TMPRSS11E: variants seen among roughly 807,000 people sequenced by gnomAD.
The protein encoded by TMPRSS11E is transmembrane serine protease 11E, also known as transmembrane protease serine 11E.
Under a neutral mutation model 48.1 loss-of-function variants are expected in TMPRSS11E, and 38 were observed. The observed-to-expected ratio is 0.79, with a 90% CI of 0.61 to 1.04. The LOEUF (loss-of-function observed/expected upper bound fraction) is 1.04, where lower values mean the gene tolerates loss of function less well. TMPRSS11E is among the 50% of genes least tolerant of loss of function. The pLI, the probability that TMPRSS11E is intolerant of heterozygous loss-of-function variation, is 0.00. For synonymous variants in TMPRSS11E, 158 were observed against 171.9 expected (o/e 0.92, Z 0.63); for missense variants, 530 against 510.8 (o/e 1.04, Z -0.36).
rs1318477708 is a variant in TMPRSS11E, at chr4:68,496,756, T to A, written c.1224T>A (p.Thr408=). 6.2e-7 allele frequency: 1 copy of A among 1,613,638 alleles called. No homozygotes were observed. ...AACCCAACAAGCCTGGTGTTTATAC[T>A]AGAGTTACGGCCTTGCGGGACTGGA... The part of the protein sequence containing the change: ...CAKPNKPGVY[T]RVTALRDWIT... Residue 408 remains threonine, a synonymous_variant, in exon 10 of 10, where the codon ACT becomes ACA. Transcript: ENST00000305363.
At chr4:68,465,361 G>A (rs1043329907) in intron 2 of TMPRSS11E, among the ~76,000 whole-genome samples, 2 of 152,142 alleles carry the variant, frequency 1.3e-5, no homozygotes, top group Admixed American at 6.5e-5. Flanking sequence ...GATGGCCAGG[G>A]TGTTTTATTT....
Position 68,496,795 on chromosome 4 carries a change from T to G in TMPRSS11E, c.1263T>G (p.Thr421=), listed in dbSNP as rs759149670. ...TGCGGGACTGGATTACTTCAAAAAC[T>G]GGTATCTAAGAGAGAAAAGCCTCAT... ...TALRDWITSK[T]GI is the part of the protein sequence containing the mutation. Residue 421 remains threonine, a synonymous_variant, in exon 10 of 10, where the codon ACT becomes ACG. Coordinates refer to ENST00000305363, the MANE Select transcript of TMPRSS11E (RefSeq NM_014058.4). 6.2e-7 allele frequency: 1 copy of G among 1,611,692 alleles called. No homozygotes were observed. Among genetic ancestry groups the G allele is most frequent in the South Asian group, 1.1e-5 (1 of 90,686 alleles).
At chr4:68,475,051 G>A (rs976735212) in intron 6 of TMPRSS11E, among the ~76,000 whole-genome samples, 1 of 152,062 alleles carries the variant, frequency 6.6e-6, no homozygotes, top group African/African-American at 2.4e-5. Flanking sequence ...ACTTATCAAT[G>A]TTCTGTTTGT....
chr4:68,489,398 T>A (rs915188011), intron 9 of TMPRSS11E, among the ~76,000 whole-genome samples: 1 of 152,132 alleles, frequency 6.6e-6, no homozygotes, highest in East Asian at 1.9e-4. Flanking sequence ...GCAAAGGCAC[T>A]TTGGCGGGGT....
chr4:68,493,011 T>C lies in TMPRSS11E; in HGVS notation c.1111-3632T>C, dbSNP rs1334715906. Among the ~76,000 whole-genome samples, 4 of 152,220 alleles carry C rather than the reference T, an allele frequency of 2.6e-5. No individual in the cohort carries two copies. In the East Asian group the frequency reaches 7.7e-4, roughly 29 times the overall value. ...TTTTACATTTATGATCATCCATTAT[T>C]TTCTTTATTCAACTATCTCGGTTTC... On this transcript the variant is annotated intron_variant, in intron 9 of 9. Transcript: ENST00000305363.
intron 1 of TMPRSS11E, among the ~76,000 whole-genome samples, chr4:68,460,655 A>G (rs964972245): frequency 6.6e-6 from 1 of 152,178 alleles, no homozygotes; most frequent in South Asian, 2.1e-4. Context: ...TAAATACCTC[A>G]AGAAATCTAA....
At chr4:68,495,675 G>C (rs1729845468) in intron 9 of TMPRSS11E, among the ~76,000 whole-genome samples, 1 of 152,080 alleles carries the variant, frequency 6.6e-6, no homozygotes, top group African/African-American at 2.4e-5. Flanking sequence ...GCATAACGTA[G>C]GGAAAAAAGC....
At chr4:68,483,066 A>G (rs72607806) in intron 9 of TMPRSS11E, among the ~76,000 whole-genome samples, 37,305 of 152,156 alleles carry the variant, frequency 0.25, 5,630 homozygotes, top group East Asian at 0.77. Context: ...TTGCATTGCT[A>G]TTAAGAAATA....
chr4:68,486,313 G>C (rs547111515), intron 9 of TMPRSS11E, among the ~76,000 whole-genome samples: 1 of 152,272 alleles, frequency 6.6e-6, no homozygotes, highest in Non-Finnish European at 1.5e-5. Context: ...TGCTTTACCT[G>C]TGTCCCAGAA....
At position 68,468,735 on chromosome 4, in the gene TMPRSS11E, CA is replaced by C. The variant is rs1303665259; in HGVS notation, c.259-142del. On this transcript the variant is annotated intron_variant, in intron 3 of 9. Transcript: ENST00000305363. Reference sequence around the variant, plus strand: ...ACTGAGAAAACCACAATAGATTCCTCAAGCTTCCTCAGTTCCACTCACTGTG... The same window carrying C: ...ACTGAGAAAACCACAATAGATTCCTCAGCTTCCTCAGTTCCACTCACTGTG... 7.1e-6 allele frequency: 5 copies of C among 699,526 alleles called. No individual in the cohort carries two copies. In the Admixed American group the frequency reaches 1.3e-4, roughly 18 times the overall value. The allele number at this position is 699,526 out of a possible 1,614,324, so 43.3% of individuals were successfully genotyped here.
At chr4:68,479,095 C>A in intron 9 of TMPRSS11E, 104 bp downstream of exon 9, 3 of 1,316,712 alleles carry the variant, frequency 2.3e-6, no homozygotes, top group Non-Finnish European at 3.2e-6. Context: ...AGAGGAGTCA[C>A]AACATCTCAC....
intron 2 of TMPRSS11E, among the ~76,000 whole-genome samples, chr4:68,465,084 A>G (rs1728891681): frequency 1.3e-5 from 2 of 152,212 alleles, no homozygotes; most frequent in Non-Finnish European, 2.9e-5. Flanking sequence ...GTATTTCAAT[A>G]AATTTAAAAT....
chr4:68,482,980 A>T (rs909535565), intron 9 of TMPRSS11E, among the ~76,000 whole-genome samples: 1 of 152,200 alleles, frequency 6.6e-6, no homozygotes, highest in Non-Finnish European at 1.5e-5. Context: ...CCAGTTGCCA[A>T]GTCGCTTTCA....
rs1003300852 is a variant in TMPRSS11E at position 68,466,707 on chromosome 4, G to A, written c.213G>A (p.Glu71=). 5 of 1,613,654 alleles carry A rather than the reference G, an allele frequency of 3.1e-6. No homozygotes were observed. Among genetic ancestry groups the A allele is most frequent in the Non-Finnish European group, 2.5e-6 (3 of 1,179,766 alleles). ...TDKLYAEFGR[E]ASNNFTEMSQ... is the part of the protein sequence containing the mutation. ...AACTATATGCTGAGTTTGGCAGAGAGGCTTCTAACAATTTTACAGAAATGA... is the reference window on the plus strand; with the variant it reads ...AACTATATGCTGAGTTTGGCAGAGAAGCTTCTAACAATTTTACAGAAATGA... Residue 71 remains glutamate (E), a synonymous_variant, in exon 3 of 10, where the codon GAG becomes GAA. Coordinates refer to ENST00000305363, the MANE Select transcript of TMPRSS11E (RefSeq NM_014058.4).
intron 9 of TMPRSS11E, among the ~76,000 whole-genome samples, chr4:68,488,016 T>C (rs1418807724): frequency 6.6e-6 from 1 of 151,864 alleles, no homozygotes; most frequent in East Asian, 1.9e-4. Context: ...ATAAGGTTTC[T>C]GCTGAAGGTT....
At chr4:68,470,269 T>C (rs1356377262) in intron 4 of TMPRSS11E, among the ~76,000 whole-genome samples, 1 of 151,518 alleles carries the variant, frequency 6.6e-6, no homozygotes, top group Admixed American at 6.6e-5. Flanking sequence ...ATATTTAAGG[T>C]GATGGAAGGA....
At chr4:68,483,535 C>T (rs1729468778) in intron 9 of TMPRSS11E, among the ~76,000 whole-genome samples, 1 of 152,036 alleles carries the variant, frequency 6.6e-6, no homozygotes, top group Non-Finnish European at 1.5e-5. Flanking sequence ...GATATTAGAC[C>T]TTTGTCAGAT....
At chr4:68,454,903 A>G (rs1254148835) in intron 1 of TMPRSS11E, among the ~76,000 whole-genome samples, 1 of 151,960 alleles carries the variant, frequency 6.6e-6, no homozygotes, top group African/African-American at 2.4e-5. Context: ...TAATGATCAA[A>G]TCAAGGTAAC....
chr4:68,482,590 C>CAAAAAAAAAAAA (rs371144994), intron 9 of TMPRSS11E, among the ~76,000 whole-genome samples: 15 of 106,056 alleles, frequency 1.4e-4, no homozygotes, highest in Non-Finnish European at 1.8e-4. Context: ...TGCATCTCCA[C>CAAAAAAAAAAAA]AAAAAAAAAA....
Sources: allele counts gnomAD v4.1 joint callset (sites outside exome capture counted in the v4.1 genomes callset), GRCh38; gene constraint gnomAD v4.1.1; transcripts MANE v1.5; gene names NCBI Gene and HGNC (gene_info 2026-07-23, HGNC 2026-07-21).